CELF6: variants seen among roughly 807,000 people sequenced by gnomAD.
The protein encoded by CELF6 is CUGBP Elav-like family member 6, also known as Bruno -like 6, RNA binding protein.
CELF6 carries 32 observed loss-of-function variants against 53.1 expected under a neutral mutation model. The ratio of observed to expected loss-of-function variants is 0.60; its 90% CI spans 0.46 to 0.81. CELF6 has a LOEUF of 0.81. CELF6 is among the 30% of genes least tolerant of loss of function. The pLI, the probability that CELF6 is intolerant of heterozygous loss-of-function variation, is 0.00. For missense variants in CELF6, 539 were observed against 669.5 expected (o/e 0.81, Z 2.15); for synonymous variants, 291 against 288.8 (o/e 1.01, Z -0.08).
In CELF6 at chr15:72,300,663, G is replaced by A. The variant is rs996270678; in HGVS notation, c.394+4083C>T. 3.3e-5 allele frequency among the ~76,000 whole-genome samples: 5 copies of A among 152,088 alleles called. No homozygotes were observed. In the East Asian group the frequency reaches 5.9e-4, roughly 18 times the overall value. On this transcript the variant is annotated intron_variant, in intron 3 of 12. Coordinates refer to ENST00000287202, the MANE Select transcript of CELF6 (RefSeq NM_052840.5). Reference sequence around the variant, plus strand: ...AGCCTGGCCAACATGGCGAAACCTCGTCTCTACTAAAAATACAAAAATTAG... The same window carrying A: ...AGCCTGGCCAACATGGCGAAACCTCATCTCTACTAAAAATACAAAAATTAG...
chr15:72,318,325 T>C (rs910749513), intron 1 of CELF6, among the ~76,000 whole-genome samples: 9 of 152,156 alleles, frequency 5.9e-5, no homozygotes, highest in African/African-American at 1.7e-4. Context: ...CTACGAGGCC[T>C]CCAAGTTGAA....
intron 3 of CELF6, chr15:72,292,362 C>T: frequency 1.3e-6 from 1 of 781,166 alleles, no homozygotes; most frequent in Non-Finnish European, 2.0e-6. Flanking sequence ...GAGAATCAAA[C>T]CCCGAAAGAC....
intron 2 of CELF6, among the ~76,000 whole-genome samples, chr15:72,315,143 C>A (rs2088346893): frequency 6.6e-6 from 1 of 152,232 alleles, no homozygotes. Flanking sequence ...GTTCTAGACA[C>A]ACCGCTTCTT....
chr15:72,287,490 G>C (rs2087937871), intron 11 of CELF6, 98 bp from the exon 12 acceptor site: 1 of 1,423,098 alleles, frequency 7.0e-7, no homozygotes, highest in African/African-American at 1.4e-5. Context: ...CGTCAGGCCA[G>C]TTCCATCAAA....
At chr15:72,311,203 G>T (rs2140305029) in intron 2 of CELF6, among the ~76,000 whole-genome samples, 1 of 151,426 alleles carries the variant, frequency 6.6e-6, no homozygotes. Flanking sequence ...GTTTCACCAT[G>T]TTGGCCAGGC....
chr15:72,297,481 A>T (rs1406495745), intron 3 of CELF6, among the ~76,000 whole-genome samples: 1 of 152,260 alleles, frequency 6.6e-6, no homozygotes, highest in African/African-American at 2.4e-5. Context: ...TACAATAGCC[A>T]AAAGGTTGAA....
chr15:72,297,159 T>C (rs1376974700), intron 3 of CELF6, among the ~76,000 whole-genome samples: 2 of 152,218 alleles, frequency 1.3e-5, no homozygotes, highest in Non-Finnish European at 2.9e-5. Context: ...TTGAACTCTA[T>C]TAGCAATTTT....
chr15:72,303,015 A>T (rs1681450283), intron 3 of CELF6, among the ~76,000 whole-genome samples: 1 of 152,216 alleles, frequency 6.6e-6, no homozygotes, highest in Admixed American at 6.5e-5. Flanking sequence ...TCATGAGGCC[A>T]GGTACCAGGT....
intron 1 of CELF6, among the ~76,000 whole-genome samples, chr15:72,318,061 T>G (rs2088383076): frequency 6.6e-6 from 1 of 152,196 alleles, no homozygotes; most frequent in Non-Finnish European, 1.5e-5. Context: ...ACGGATGGCC[T>G]ACAAAGATTA....
In CELF6 at chr15:72,287,291, G is replaced by A; in HGVS notation, c.1420C>T (p.Pro474Ser). ...CAGTAAGGCCGGTTGGCATCCTTGG[G>A]CCGCTTTAGCTGGACCTTGAGCCTC... ...MKRLKVQLKR[P>S]KDANRPY The change falls in exon 12 of 13, where the codon CCC (proline) becomes TCC (serine). Residue 474 changes from proline to serine, a missense_variant. This residue lies in a region of CELF6 where 358 missense variants were observed against 412.8 expected (regional missense o/e 0.87). Coordinates refer to ENST00000287202, the MANE Select transcript of CELF6 (RefSeq NM_052840.5). The A allele has an allele frequency of 6.2e-7, 1 of 1,614,186 alleles. No individual in the cohort carries two copies. Among genetic ancestry groups the A allele is most frequent in the Non-Finnish European group, 8.5e-7 (1 of 1,180,006 alleles).
chr15:72,288,123 C>A lies in CELF6; in HGVS notation c.1318+185G>T, dbSNP rs1318038210. Among the ~76,000 whole-genome samples, 2 of 152,210 alleles carry A rather than the reference C, an allele frequency of 1.3e-5. No homozygotes were observed. Among genetic ancestry groups the A allele is most frequent in the Non-Finnish European group, 2.9e-5 (2 of 68,034 alleles). On this transcript the variant is annotated intron_variant, in intron 11 of 12. Transcript: ENST00000287202. This position sits in a 1 kb window ranked among gnomAD's most constrained non-coding sequence, Gnocchi z 4.6. ...AAAGTGCTAGGATTACAGGCGTGAG[C>A]CACCATGCCCGGCCAAGGCTTGTTG...
chr15:72,315,966 C>A (rs776209523), intron 1 of CELF6, 39 bp from the exon 2 acceptor site: 2 of 1,382,320 alleles, frequency 1.4e-6, no homozygotes, highest in Non-Finnish European at 2.0e-6. Flanking sequence ...TTTCCTGAAA[C>A]CCCCAACTAT....
chr15:72,289,476 G>A lies in CELF6; in HGVS notation c.779C>T (p.Ala260Val). 3.9e-6 allele frequency: 6 copies of A among 1,529,958 alleles called. No homozygotes were observed. Among genetic ancestry groups the A allele is most frequent in the Admixed American group, 2.0e-5 (1 of 50,174 alleles). 94.8% of individuals were successfully genotyped at this position (1,529,958 alleles called of 1,614,324 possible). Residue 260 changes from alanine (A) to valine (V), a missense_variant, in exon 7 of 13, where the codon GCG becomes GTG. By Grantham distance (64) the Ala-to-Val change is moderately conservative (BLOSUM62 0). Coordinates refer to ENST00000287202, the MANE Select transcript of CELF6 (RefSeq NM_052840.5). The surrounding 1 kb of genome is among the most constrained non-coding windows in gnomAD (Gnocchi z 7.6). The stretch of plus-strand genomic sequence containing the variant: ...CGGGCCTAGGCCTGGGCCCTGTGCC[G>A]CCGCCAGCAGGGCCGCCTGGTGCTG... ...ILQHQAALLA[A>V]AQGPGLGPVA... is the part of the protein sequence containing the mutation.
At position 72,315,146 on chromosome 15, in the gene CELF6, C is replaced by T. The variant is rs1044305084; in HGVS notation, c.345+699G>A. ...AAACAGTGCTCTGTTCTAGACACAC[C>T]GCTTCTTGGACAAGAGAAAACAAGG... On this transcript the variant is annotated intron_variant, in intron 2 of 12. Transcript: ENST00000287202. 7.2e-5 allele frequency among the ~76,000 whole-genome samples: 11 copies of T among 152,144 alleles called. No homozygotes were observed. The East Asian group carries it at 1.3e-3, about 19-fold the overall frequency.
At chr15:72,311,620 T>G (rs1461199893) in intron 2 of CELF6, among the ~76,000 whole-genome samples, 2 of 151,862 alleles carry the variant, frequency 1.3e-5, no homozygotes, top group Non-Finnish European at 2.9e-5. Context: ...GCCAGGATGG[T>G]CTCAATCTCC....
chr15:72,296,132 G>C (rs1367131729), intron 3 of CELF6, among the ~76,000 whole-genome samples: 2 of 152,262 alleles, frequency 1.3e-5, no homozygotes, highest in East Asian at 3.8e-4. Flanking sequence ...AATAAGGAAA[G>C]GACAGTCTTT....
intron 1 of CELF6, among the ~76,000 whole-genome samples, chr15:72,318,962 AG>A (rs1007728791): frequency 1.3e-5 from 2 of 152,222 alleles, no homozygotes; most frequent in African/African-American, 4.8e-5. Flanking sequence ...GGCGAAGGGC[AG>A]GAGAGATTGG....
At chr15:72,295,725 CAAA>C (rs35288698) in intron 3 of CELF6, among the ~76,000 whole-genome samples, 37 of 109,026 alleles carry the variant, frequency 3.4e-4, no homozygotes, top group Non-Finnish European at 3.7e-4. Context: ...GACTCTGTCT[CAAA>C]AAAAAAAAAA....
rs538417210 is a variant in CELF6, at chr15:72,288,814, A to T, written c.1093+54T>A. ...GCCTAAATCCCCCACAACTCTCCCTATTTCTTTCTAGGGCCCTTCAACCTC... is the reference window on the plus strand; with the variant it reads ...GCCTAAATCCCCCACAACTCTCCCTTTTTCTTTCTAGGGCCCTTCAACCTC... On this transcript the variant is annotated intron_variant, in intron 9 of 12. Coordinates refer to ENST00000287202, the MANE Select transcript of CELF6 (RefSeq NM_052840.5). The surrounding 1 kb of genome is among the most constrained non-coding windows in gnomAD (Gnocchi z 4.6). 3 of 1,492,326 alleles carry T rather than the reference A, an allele frequency of 2.0e-6. No individual in the cohort carries two copies. The Admixed American group carries it at 5.9e-5, about 29-fold the overall frequency. The allele number at this position is 1,492,326 out of a possible 1,614,324, so 92.4% of individuals were successfully genotyped here.
Sources: allele counts gnomAD v4.1 joint callset (sites outside exome capture counted in the v4.1 genomes callset), GRCh38; gene constraint gnomAD v4.1.1; regional missense constraint gnomAD v4.1.1; non-coding constraint Gnocchi (gnomAD v3.1); transcripts MANE v1.5; gene names NCBI Gene and HGNC (gene_info 2026-07-23, HGNC 2026-07-21).